Variants in EYS observed in about 807,000 individuals in gnomAD.
EYS encodes the protein EGF-like photoreceptor maintenance factor, also known as protein eyes shut homolog.
In EYS, 250 loss-of-function variants were observed where a neutral mutation model predicts 282.1. That is an observed-to-expected ratio of 0.89 (90% CI 0.80 to 0.98). The LOEUF (loss-of-function observed/expected upper bound fraction) is 0.98, where lower values mean the gene tolerates loss of function less well. EYS is among the 50% of genes least tolerant of loss of function. EYS has a pLI of 0.00. For synonymous variants in EYS, 1,355 were observed against 1,282.9 expected (o/e 1.06, Z -1.20); for missense variants, 4,016 against 3,709.0 (o/e 1.08, Z -2.15).
Position 65,301,320 on chromosome 6 carries a change from C to A in EYS, c.1767-5201G>T, listed in dbSNP as rs1322117108. On this transcript the variant is annotated intron_variant, in intron 11 of 42. Transcript: ENST00000503581. ...ACCATCCTGGCTAACACGGTGAAAC[C>A]CCGTCTCTACCAAAGATATAAGAAA... Among the ~76,000 whole-genome samples, 4 of 152,292 alleles carry A rather than the reference C, an allele frequency of 2.6e-5. No homozygotes were observed. In the East Asian group the frequency reaches 7.7e-4, roughly 29 times the overall value.
intron 30 of EYS, among the ~76,000 whole-genome samples, chr6:64,265,578 T>G (rs1320984669): frequency 1.3e-5 from 2 of 152,100 alleles, no homozygotes; most frequent in Non-Finnish European, 2.9e-5. Context: ...TTTGAACAGG[T>G]AGTGATCAGA....
At chr6:64,705,110 G>C (rs1258540607) in intron 22 of EYS, among the ~76,000 whole-genome samples, 1 of 152,090 alleles carries the variant, frequency 6.6e-6, no homozygotes, top group Non-Finnish European at 1.5e-5. Flanking sequence ...TCCTAAAACT[G>C]ATAAATAAAT....
intron 19 of EYS, among the ~76,000 whole-genome samples, chr6:64,866,365 T>G (rs1472594274): frequency 6.6e-6 from 1 of 151,932 alleles, no homozygotes; most frequent in Non-Finnish European, 1.5e-5. Flanking sequence ...GACCTTGAGA[T>G]CTGTTTCAAT....
At chr6:63,776,074 A>G (rs1770057257) in intron 40 of EYS, among the ~76,000 whole-genome samples, 2 of 152,084 alleles carry the variant, frequency 1.3e-5, no homozygotes, top group Admixed American at 1.3e-4. Context: ...CCCCCTGTAC[A>G]TTATTGCTTG....
intron 1 of EYS, among the ~76,000 whole-genome samples, chr6:65,649,638 C>G (rs1312631741): frequency 6.6e-6 from 1 of 152,120 alleles, no homozygotes; most frequent in Non-Finnish European, 1.5e-5. Context: ...AGTAATACTC[C>G]ATTCTTTTTT....
At chr6:65,166,974 A>G (rs1182809536) in intron 12 of EYS, among the ~76,000 whole-genome samples, 4 of 151,278 alleles carry the variant, frequency 2.6e-5, no homozygotes, top group African/African-American at 9.7e-5. Flanking sequence ...GAGAAAATGC[A>G]AAACAAAACC....
chr6:64,392,866 T>C (rs1397930634), intron 28 of EYS, among the ~76,000 whole-genome samples: 1 of 151,502 alleles, frequency 6.6e-6, no homozygotes. Flanking sequence ...ATCAACAAAA[T>C]TGATAGACCG....
At chr6:64,267,828 A>C (rs1767811743) in intron 30 of EYS, among the ~76,000 whole-genome samples, 1 of 152,152 alleles carries the variant, frequency 6.6e-6, no homozygotes, top group South Asian at 2.1e-4. Flanking sequence ...TCCCTACTCC[A>C]AATTTAAATA....
At chr6:64,426,787 A>C (rs1368255138) in intron 28 of EYS, among the ~76,000 whole-genome samples, 1 of 152,130 alleles carries the variant, frequency 6.6e-6, no homozygotes, top group Non-Finnish European at 1.5e-5. Context: ...TTCTATAAGC[A>C]ACTTATCATG....
At chr6:63,964,687 A>G (rs888411157) in intron 35 of EYS, among the ~76,000 whole-genome samples, 1 of 152,224 alleles carries the variant, frequency 6.6e-6, no homozygotes, top group Non-Finnish European at 1.5e-5. Flanking sequence ...TCACAGTATA[A>G]ATCAGAACAC....
chr6:65,191,972 G>C (rs74796124), intron 12 of EYS, among the ~76,000 whole-genome samples: 1 of 150,042 alleles, frequency 6.7e-6, no homozygotes, highest in Non-Finnish European at 1.5e-5. Context: ...AAATTTTAAA[G>C]ACTTCCAAAA....
intron 19 of EYS, among the ~76,000 whole-genome samples, chr6:64,838,917 T>C (rs1765475726): frequency 6.6e-6 from 1 of 152,030 alleles, no homozygotes; most frequent in Non-Finnish European, 1.5e-5. Flanking sequence ...TAGGAGGAGC[T>C]GCAGCTCCAT....
At chr6:64,381,255 T>A (rs1322201173) in intron 29 of EYS, among the ~76,000 whole-genome samples, 1 of 152,188 alleles carries the variant, frequency 6.6e-6, no homozygotes, top group Non-Finnish European at 1.5e-5. Flanking sequence ...TGATACCTGC[T>A]TTGAGCCTTA....
chr6:64,774,117 G>T (rs1773608087), intron 22 of EYS, among the ~76,000 whole-genome samples: 1 of 151,738 alleles, frequency 6.6e-6, no homozygotes, highest in Non-Finnish European at 1.5e-5. Flanking sequence ...TATGCATTTT[G>T]TTTTATAAAA....
intron 22 of EYS, among the ~76,000 whole-genome samples, chr6:64,781,644 A>G (rs1031074609): frequency 2.6e-5 from 4 of 151,624 alleles, no homozygotes; most frequent in Admixed American, 6.6e-5. Context: ...CCAGATATGG[A>G]TAACCCTCAG....
intron 15 of EYS, among the ~76,000 whole-genome samples, chr6:64,930,502 AAC>A (rs1768683658): frequency 6.6e-6 from 1 of 151,100 alleles, no homozygotes; most frequent in East Asian, 1.9e-4. Flanking sequence ...TATCTCTGGT[AAC>A]ACATTAAAAC....
chr6:63,872,769 T>TGCCTG (rs148897647), intron 35 of EYS, among the ~76,000 whole-genome samples: 6,389 of 152,048 alleles, frequency 0.042, 461 homozygotes, highest in African/African-American at 0.15. Flanking sequence ...TGAGCCACCA[T>TGCCTG]GCCTGGCCCA....
intron 41 of EYS, among the ~76,000 whole-genome samples, chr6:63,746,590 C>A (rs1769215172): frequency 6.6e-6 from 1 of 152,122 alleles, no homozygotes; most frequent in Non-Finnish European, 1.5e-5. Context: ...TTAATTGCTG[C>A]CTCAATTTTA....
chr6:64,154,696 GACA>G (rs983995983), intron 31 of EYS, among the ~76,000 whole-genome samples: 4 of 151,902 alleles, frequency 2.6e-5, no homozygotes, highest in African/African-American at 9.7e-5. Flanking sequence ...ATTACTTAAA[GACA>G]ACAATTTTAA....
Sources: allele counts gnomAD v4.1 joint callset (sites outside exome capture counted in the v4.1 genomes callset), GRCh38; gene constraint gnomAD v4.1.1; transcripts MANE v1.5; gene names NCBI Gene and HGNC (gene_info 2026-07-23, HGNC 2026-07-21).